Variants in CDK14 observed in about 807,000 individuals in gnomAD.
The protein encoded by CDK14 is cyclin-dependent kinase 14.
CDK14 carries 34 observed loss-of-function variants against 60.7 expected under a neutral mutation model. The observed-to-expected ratio is 0.56, with a 90% CI of 0.43 to 0.75. The LOEUF (loss-of-function observed/expected upper bound fraction) is 0.75. Among genes scored for constraint, CDK14 ranks in the 30% least tolerant of loss-of-function variants. The probability of loss-of-function intolerance (pLI) is 0.00; values close to 1 mark genes in which losing one functional copy is unlikely to be tolerated. For missense variants in CDK14, 482 were observed against 564.1 expected, an observed-to-expected ratio of 0.85 and a Z score of 1.47; for synonymous variants, 197 against 203.7, an observed-to-expected ratio of 0.97 and a Z score of 0.28.
chr7:90,832,104 A>G (rs1402454804), intron 5 of CDK14, among the ~76,000 whole-genome samples: 1 of 152,018 alleles, frequency 6.6e-6, no homozygotes, highest in Non-Finnish European at 1.5e-5. Context: ...GCCCCTCCAT[A>G]CATCCTACCC....
intron 13 of CDK14, 123 bp from the exon 14 acceptor site, chr7:91,117,942 A>G (rs16868110): frequency 0.067 from 37,224 of 556,496 alleles, 1,506 homozygotes; most frequent in Admixed American, 0.14. Context: ...AGATCAAAAC[A>G]TACCATGATG....
intron 5 of CDK14, among the ~76,000 whole-genome samples, chr7:90,803,551 T>C (rs1272072941): frequency 6.6e-6 from 1 of 152,138 alleles, no homozygotes; most frequent in South Asian, 2.1e-4. Context: ...AGGTAGATAG[T>C]GGAACCAGTA....
intron 4 of CDK14, among the ~76,000 whole-genome samples, chr7:90,771,455 C>T (rs1804780049): frequency 6.6e-6 from 1 of 152,174 alleles, no homozygotes; most frequent in African/African-American, 2.4e-5. Context: ...ATGAGGTACA[C>T]AGACACTGGA....
chr7:91,049,179 G>A (rs770777178), intron 11 of CDK14, among the ~76,000 whole-genome samples: 24 of 152,078 alleles, frequency 1.6e-4, no homozygotes, highest in Non-Finnish European at 3.2e-4. Flanking sequence ...GCCATGCCTG[G>A]CTGAGTTCTT....
At chr7:90,654,363 C>T (rs896063332) in intron 2 of CDK14, among the ~76,000 whole-genome samples, 8 of 152,220 alleles carry the variant, frequency 5.3e-5, no homozygotes, top group Admixed American at 5.2e-4. Context: ...GTGGAAAATG[C>T]AGACAACAAT....
At chr7:90,976,151 A>AAG (rs1388086502) in intron 9 of CDK14, among the ~76,000 whole-genome samples, 4 of 152,136 alleles carry the variant, frequency 2.6e-5, no homozygotes, top group Admixed American at 6.6e-5. Context: ...AACAGTATAT[A>AAG]AGAGTTCCCT....
intron 6 of CDK14, among the ~76,000 whole-genome samples, chr7:90,894,582 T>C (rs1438240886): frequency 6.6e-6 from 1 of 152,218 alleles, no homozygotes; most frequent in East Asian, 1.9e-4. Flanking sequence ...TCTCCAGTCC[T>C]AATGTATTTC....
chr7:91,175,562 C>T (rs551605087), intron 14 of CDK14, among the ~76,000 whole-genome samples: 143 of 151,908 alleles, frequency 9.4e-4, no homozygotes, highest in African/African-American at 3.4e-3. Flanking sequence ...TTCAGGAAAC[C>T]CATCTCACGT....
chr7:90,627,322 A>C (rs996608247), intron 2 of CDK14, among the ~76,000 whole-genome samples: 8 of 151,456 alleles, frequency 5.3e-5, no homozygotes, highest in African/African-American at 1.9e-4. Flanking sequence ...TGATTTTCCC[A>C]CCTCAGCCTC....
rs61250789 is a variant in CDK14 at position 91,201,529 on chromosome 7, G to GA, written c.*29-5624dup. On this transcript the variant is annotated intron_variant, in intron 14 of 14. Coordinates refer to ENST00000380050, the MANE Select transcript of CDK14 (RefSeq NM_001287135.2). Reference sequence around the variant, plus strand: ...ACTTTGAGGAAGGGCAATGCAGCAGGAAAAAAAAAAAACAACAAAACACAG... The same window carrying GA: ...ACTTTGAGGAAGGGCAATGCAGCAGGAAAAAAAAAAAAACAACAAAACACAG... 8.1e-3 allele frequency among the ~76,000 whole-genome samples: 1,153 copies of GA among 142,210 alleles called. 4 individuals are homozygous for GA. Among genetic ancestry groups the GA allele is most frequent in the Non-Finnish European group, 9.3e-3 (599 of 64,628 alleles). 93.3% of individuals were successfully genotyped at this position (142,210 alleles called of 152,430 possible). A position where few individuals can be genotyped will look rare whatever the true frequency, so the allele number is the denominator to read the frequency against.
At chr7:90,796,963 T>C (rs1788458042) in intron 5 of CDK14, among the ~76,000 whole-genome samples, 1 of 151,872 alleles carries the variant, frequency 6.6e-6, no homozygotes, top group Non-Finnish European at 1.5e-5. Flanking sequence ...TTCTCTTATG[T>C]TGTACAGTGA....
intron 7 of CDK14, among the ~76,000 whole-genome samples, chr7:90,906,973 T>A (rs1792728642): frequency 6.6e-6 from 1 of 152,118 alleles, no homozygotes; most frequent in African/African-American, 2.4e-5. Flanking sequence ...AATGTGTCTA[T>A]TATCAGTATG....
intron 7 of CDK14, among the ~76,000 whole-genome samples, chr7:90,910,923 T>C (rs2117393801): frequency 6.6e-6 from 1 of 152,240 alleles, no homozygotes; most frequent in South Asian, 2.1e-4. Flanking sequence ...CCTGATCCTC[T>C]CCCTTCCCCC....
intron 2 of CDK14, among the ~76,000 whole-genome samples, chr7:90,644,332 A>G (rs935433007): frequency 2.0e-5 from 3 of 152,238 alleles, no homozygotes; most frequent in Non-Finnish European, 4.4e-5. Flanking sequence ...TACCTAACAT[A>G]TATCCATTTT....
intron 14 of CDK14, among the ~76,000 whole-genome samples, chr7:91,191,959 A>C (rs1239199130): frequency 6.6e-6 from 1 of 152,082 alleles, no homozygotes; most frequent in Non-Finnish European, 1.5e-5. Flanking sequence ...CGTGGTTACT[A>C]TGGCAACCTT....
In CDK14 at chr7:90,750,198, ACAC is replaced by A. The variant is rs1562752237; in HGVS notation, c.464+2426_464+2428del. 9.6e-3 allele frequency among the ~76,000 whole-genome samples: 839 copies of A among 87,296 alleles called. 12 individuals are homozygous for A. The highest frequency in any genetic ancestry group is 0.032 in the African/African-American group (750 of 23,754). 57.3% of individuals were successfully genotyped at this position (87,296 alleles called of 152,430 possible). On this transcript the variant is annotated intron_variant, in intron 4 of 14. Coordinates refer to ENST00000380050, the MANE Select transcript of CDK14 (RefSeq NM_001287135.2). ...CACACACACACACACACACACACAC[ACAC>A]CAATAATATTACAGAGAAAGAAAAA...
At chr7:91,072,731 G>A (rs958074562) in intron 11 of CDK14, among the ~76,000 whole-genome samples, 1 of 152,080 alleles carries the variant, frequency 6.6e-6, no homozygotes, top group East Asian at 1.9e-4. Flanking sequence ...GTGCTAAAAG[G>A]AGCATGTACT....
chr7:90,734,507 T>G (rs1803007347), intron 3 of CDK14, among the ~76,000 whole-genome samples: 3 of 152,158 alleles, frequency 2.0e-5, no homozygotes, highest in Admixed American at 2.0e-4. Flanking sequence ...TTTATTTGCT[T>G]CTTTTCACTC....
intron 2 of CDK14, among the ~76,000 whole-genome samples, chr7:90,622,112 A>G (rs1268275957): frequency 6.6e-6 from 1 of 152,266 alleles, no homozygotes; most frequent in Non-Finnish European, 1.5e-5. Context: ...GAAACGAAGT[A>G]CAATGGAAGT....
Sources: gnomAD v4.1 joint callset for allele counts (sites outside exome capture counted in the v4.1 genomes callset) on GRCh38, gnomAD v4.1.1 for gene constraint, MANE v1.5 for transcripts, NCBI Gene and HGNC (gene_info 2026-07-23, HGNC 2026-07-21) for gene names.